Variants in FAM135B observed in about 807,000 individuals in gnomAD.
FAM135B encodes the protein protein FAM135B.
Under a neutral mutation model 127.7 loss-of-function variants are expected in FAM135B, and 43 were observed. The ratio of observed to expected loss-of-function variants is 0.34; its 90% CI spans 0.26 to 0.43. The LOEUF (loss-of-function observed/expected upper bound fraction) is 0.43. Ranked by LOEUF, FAM135B falls within the 20% of genes least tolerant of loss-of-function variation. FAM135B has a pLI of 1.00. For missense variants in FAM135B, 1,558 were observed against 1,725.6 expected (o/e 0.90, Z 1.72); for synonymous variants, 670 against 665.1 (o/e 1.01, Z -0.11).
chr8:138,376,063 G>A lies in FAM135B; in HGVS notation c.-19-8061C>T, dbSNP rs556862570. ...AGCTGGAGTGAGGTGGCATGATCTC[G>A]GCTCACTGCAACCTCCGCCTCCTGG... On this transcript the variant is annotated intron_variant, in intron 1 of 19. Coordinates refer to ENST00000395297, the MANE Select transcript of FAM135B (RefSeq NM_015912.4). Among the ~76,000 whole-genome samples the A allele has an allele frequency of 9.7e-4, 148 of 152,094 alleles. 1 individual carries two copies. The highest frequency in any genetic ancestry group is 7.9e-3 in the East Asian group (41 of 5,170).
At chr8:138,490,795 C>T (rs960698178) in intron 1 of FAM135B, among the ~76,000 whole-genome samples, 3 of 152,036 alleles carry the variant, frequency 2.0e-5, no homozygotes, top group East Asian at 3.8e-4. Context: ...GAGAATATGA[C>T]GTCACTTCAA....
At chr8:138,202,083 C>A (rs2131171851) in intron 7 of FAM135B, among the ~76,000 whole-genome samples, 1 of 145,104 alleles carries the variant, frequency 6.9e-6, no homozygotes, top group Non-Finnish European at 1.5e-5. Context: ...AAAGATCACG[C>A]CATTGCACTC....
intron 1 of FAM135B, among the ~76,000 whole-genome samples, chr8:138,427,337 T>C (rs971547097): frequency 6.6e-6 from 1 of 151,228 alleles, no homozygotes; most frequent in Non-Finnish European, 1.5e-5. Flanking sequence ...TCTACAAATG[T>C]ATATTTTAAT....
chr8:138,274,186 C>T (rs1823624269), intron 3 of FAM135B, among the ~76,000 whole-genome samples: 2 of 152,102 alleles, frequency 1.3e-5, no homozygotes, highest in African/African-American at 2.4e-5. Flanking sequence ...GAACCTGCCC[C>T]GATATTCACG....
chr8:138,452,088 A>T (rs1179340492), intron 1 of FAM135B, among the ~76,000 whole-genome samples: 1 of 146,994 alleles, frequency 6.8e-6, no homozygotes, highest in Non-Finnish European at 1.5e-5. Flanking sequence ...TTATTATACT[A>T]TGACCCACAA....
At chr8:138,326,368 T>A (rs1436474461) in intron 2 of FAM135B, among the ~76,000 whole-genome samples, 5 of 152,306 alleles carry the variant, frequency 3.3e-5, no homozygotes, top group Non-Finnish European at 5.9e-5. Context: ...CAGGTGTCAG[T>A]CCTCTTCCCT....
rs1204667784 is a variant in FAM135B, at chr8:138,177,424, C to T, written c.1030-4G>A. 2 of 1,611,662 alleles carry T rather than the reference C, an allele frequency of 1.2e-6. No homozygotes were observed. Among genetic ancestry groups the T allele is most frequent in the Non-Finnish European group, 1.7e-6 (2 of 1,178,590 alleles). On this transcript the variant is annotated splice_polypyrimidine_tract_variant and splice_region_variant and intron_variant, in intron 10 of 19. Transcript: ENST00000395297. ...AGGCCTCAGAAAACCTTCGGACCTG[C>T]AGAATAAAACAATGTAAACAGTTCA... is the stretch of plus-strand genomic sequence containing the variant.
intron 9 of FAM135B, among the ~76,000 whole-genome samples, chr8:138,190,860 A>G (rs1000023605): frequency 3.3e-5 from 5 of 152,138 alleles, no homozygotes; most frequent in African/African-American, 1.2e-4. Flanking sequence ...GAATCTACCT[A>G]TGATCTGGAA....
intron 1 of FAM135B, among the ~76,000 whole-genome samples, chr8:138,403,774 C>A (rs7845832): frequency 0.4 from 60,686 of 151,940 alleles, 12,599 homozygotes; most frequent in African/African-American, 0.52. Flanking sequence ...CTCAGTGTTC[C>A]TCCAGTGTTT....
At chr8:138,411,200 G>T (rs1266201867) in intron 1 of FAM135B, among the ~76,000 whole-genome samples, 1 of 151,626 alleles carries the variant, frequency 6.6e-6, no homozygotes, top group East Asian at 1.9e-4. Context: ...TAAGCCAAAA[G>T]AACAAAGCTG....
At chr8:138,258,040 C>T (rs1454197654) in intron 4 of FAM135B, among the ~76,000 whole-genome samples, 1 of 152,158 alleles carries the variant, frequency 6.6e-6, no homozygotes, top group Non-Finnish European at 1.5e-5. Flanking sequence ...ATTTGGCCTG[C>T]AGCTAAAAGC....
intron 9 of FAM135B, among the ~76,000 whole-genome samples, chr8:138,186,647 G>A (rs1347923918): frequency 1.3e-5 from 2 of 152,164 alleles, no homozygotes; most frequent in East Asian, 1.9e-4. Context: ...AGCCACATCC[G>A]TGCAGCAGTT....
At chr8:138,204,732 T>C (rs562721265) in intron 7 of FAM135B, among the ~76,000 whole-genome samples, 3 of 152,372 alleles carry the variant, frequency 2.0e-5, no homozygotes. Flanking sequence ...TACTTGTTTA[T>C]GCTTTATATG....
intron 2 of FAM135B, among the ~76,000 whole-genome samples, chr8:138,327,214 A>G (rs1827847644): frequency 6.6e-6 from 1 of 152,214 alleles, no homozygotes; most frequent in Non-Finnish European, 1.5e-5. Flanking sequence ...AAAGGAAGCC[A>G]CCAGTTCTTG....
At chr8:138,277,644 T>C (rs1033738475) in intron 3 of FAM135B, among the ~76,000 whole-genome samples, 2 of 152,150 alleles carry the variant, frequency 1.3e-5, no homozygotes, top group African/African-American at 4.8e-5. Context: ...CACACACTTA[T>C]TGGTGCTGAC....
intron 11 of FAM135B, among the ~76,000 whole-genome samples, chr8:138,170,587 G>A (rs1820344706): frequency 6.6e-6 from 1 of 152,184 alleles, no homozygotes; most frequent in South Asian, 2.1e-4. Flanking sequence ...TTGACAAGGG[G>A]TGGATTTGTG....
intron 2 of FAM135B, among the ~76,000 whole-genome samples, chr8:138,343,947 C>G (rs1829225744): frequency 6.6e-6 from 1 of 152,148 alleles, no homozygotes; most frequent in South Asian, 2.1e-4. Flanking sequence ...GCTGCCTGAC[C>G]CTTTCACCCA....
At chr8:138,192,522 C>T (rs574090294) in intron 9 of FAM135B, among the ~76,000 whole-genome samples, 6 of 152,232 alleles carry the variant, frequency 3.9e-5, no homozygotes, top group Non-Finnish European at 7.4e-5. Flanking sequence ...TATTGTAAAA[C>T]CTAAGATCAG....
chr8:138,277,445 C>G (rs978374280), intron 3 of FAM135B, among the ~76,000 whole-genome samples: 4 of 152,186 alleles, frequency 2.6e-5, no homozygotes, highest in Non-Finnish European at 5.9e-5. Flanking sequence ...GTCACCTTGA[C>G]TCAGACTTGG....
Sources: allele counts gnomAD v4.1 joint callset (sites outside exome capture counted in the v4.1 genomes callset), GRCh38; gene constraint gnomAD v4.1.1; transcripts MANE v1.5; gene names NCBI Gene and HGNC (gene_info 2026-07-23, HGNC 2026-07-21).